CCDC175: variants seen among roughly 807,000 people sequenced by gnomAD.
The protein encoded by CCDC175 is coiled-coil domain-containing protein 175.
In CCDC175, 100 loss-of-function variants were observed where a neutral mutation model predicts 114.6. The observed-to-expected ratio is 0.87, with a 90% CI of 0.74 to 1.03. CCDC175 has a LOEUF of 1.03. Ranked by LOEUF, CCDC175 falls within the 50% of genes least tolerant of loss-of-function variation. The probability of loss-of-function intolerance (pLI) is 0.00; values close to 1 mark genes in which losing one functional copy is unlikely to be tolerated. For missense variants in CCDC175, 880 were observed against 917.8 expected, an observed-to-expected ratio of 0.96 and a Z score of 0.53; for synonymous variants, 306 against 308.7, an observed-to-expected ratio of 0.99 and a Z score of 0.09.
chr14:59,544,657 T>A (rs931061146), intron 9 of CCDC175, among the ~76,000 whole-genome samples: 1 of 152,186 alleles, frequency 6.6e-6, no homozygotes, highest in Non-Finnish European at 1.5e-5. Context: ...AGTACAGGCA[T>A]TGCTTTTTTC....
At chr14:59,540,106 G>A (rs1056559801) in intron 11 of CCDC175, among the ~76,000 whole-genome samples, 1 of 152,004 alleles carries the variant, frequency 6.6e-6, no homozygotes, top group African/African-American at 2.4e-5. Flanking sequence ...TAACAACAAC[G>A]ATAATAAAAT....
chr14:59,532,231 C>G (rs938304240), intron 13 of CCDC175, among the ~76,000 whole-genome samples: 1 of 152,104 alleles, frequency 6.6e-6, no homozygotes, highest in African/African-American at 2.4e-5. Flanking sequence ...AGAAAATTTC[C>G]TTCAGTAATA....
intron 9 of CCDC175, among the ~76,000 whole-genome samples, chr14:59,544,694 C>T (rs1317174714): frequency 1.3e-5 from 2 of 152,052 alleles, no homozygotes; most frequent in African/African-American, 2.4e-5. Flanking sequence ...ATTTAAAGTG[C>T]TTTAGAATGG....
Position 59,556,621 on chromosome 14 carries a change from T to G in CCDC175, c.953+4498A>C, listed in dbSNP as rs529534612. On this transcript the variant is annotated intron_variant, in intron 7 of 19. Transcript: ENST00000537690. ...TCAAAATTGACAAATGGGATCTAAT[T>G]AAACTAAAGAGCTTCTGCACAGCAA... 4.7e-4 allele frequency among the ~76,000 whole-genome samples: 72 copies of G among 152,210 alleles called. No individual in the cohort carries two copies. In the East Asian group the frequency reaches 8.3e-3, roughly 18 times the overall value.
At chr14:59,525,485 C>A in intron 15 of CCDC175, 51 bp from the exon 16 acceptor site, 2 of 1,388,724 alleles carry the variant, frequency 1.4e-6, no homozygotes, top group Non-Finnish European at 9.7e-7. Flanking sequence ...CAGTAGGGCA[C>A]GAGGGTATTA....
intron 7 of CCDC175, among the ~76,000 whole-genome samples, chr14:59,553,019 G>C (rs1409260821): frequency 2.0e-5 from 3 of 152,302 alleles, no homozygotes; most frequent in African/African-American, 4.8e-5. Flanking sequence ...AGGGAGAATG[G>C]AACCAAGTTG....
Position 59,521,573 on chromosome 14 carries a change from C to A in CCDC175, c.2098+1G>T. On this transcript the variant is annotated splice_donor_variant, in intron 17 of 19. Transcript: ENST00000537690. LOFTEE classifies it high-confidence loss of function. ...AATACAAGCACCCACACATTACTTACCCTCCTGAGCTATTAGTTGCCGAGA... is the reference window on the plus strand; with the variant it reads ...AATACAAGCACCCACACATTACTTAACCTCCTGAGCTATTAGTTGCCGAGA... The A allele has an allele frequency of 6.6e-7, 1 of 1,510,060 alleles. No homozygotes were observed. Among genetic ancestry groups the A allele is most frequent in the Non-Finnish European group, 8.9e-7 (1 of 1,122,368 alleles). 93.5% of individuals were successfully genotyped at this position (1,510,060 alleles called of 1,614,324 possible).
rs575297705 is a variant in CCDC175, at chr14:59,535,810, G to A, written c.1623+2213C>T. Among the ~76,000 whole-genome samples, 9 of 152,288 alleles carry A rather than the reference G, an allele frequency of 5.9e-5. No individual in the cohort carries two copies. In the East Asian group the frequency reaches 1.4e-3, roughly 23 times the overall value. ...TCCACTTGGATCTCCCCTTGAAGGC[G>A]GACTCGCCACACCATTGTGAGGAAT... On this transcript the variant is annotated intron_variant, in intron 13 of 19. Coordinates refer to ENST00000537690, the MANE Select transcript of CCDC175 (RefSeq NM_001164399.2).
At chr14:59,547,464 G>T (rs1486806473) in intron 8 of CCDC175, among the ~76,000 whole-genome samples, 2 of 152,150 alleles carry the variant, frequency 1.3e-5, no homozygotes, top group Non-Finnish European at 2.9e-5. Flanking sequence ...TCATTTTAAA[G>T]GTACTAATTA....
At chr14:59,518,502 G>A (rs572954583) in intron 17 of CCDC175, among the ~76,000 whole-genome samples, 63 of 152,308 alleles carry the variant, frequency 4.1e-4, no homozygotes, top group Admixed American at 1.0e-3. Flanking sequence ...CAACAAGTGG[G>A]CGAAGGATAT....
intron 19 of CCDC175, among the ~76,000 whole-genome samples, chr14:59,508,207 CT>C (rs1406025226): frequency 2.0e-5 from 3 of 152,078 alleles, no homozygotes. Context: ...AAGGTGCCCC[CT>C]GACCCCTTCT....
chr14:59,540,589 G>C lies in CCDC175; in HGVS notation c.1355+86C>G, dbSNP rs897067335. 2.2e-5 allele frequency: 29 copies of C among 1,337,488 alleles called. No homozygotes were observed. The African/African-American group carries it at 4.2e-4, about 19-fold the overall frequency. 82.9% of individuals were successfully genotyped at this position (1,337,488 alleles called of 1,614,324 possible). A position where few individuals can be genotyped will look rare whatever the true frequency, so the allele number is the denominator to read the frequency against. On this transcript the variant is annotated intron_variant, in intron 11 of 19. Transcript: ENST00000537690. ...TTCCCTTGGGTTCTAGTAACAACAA[G>C]TACTCTGCACTGTTCATTAAGATAA...
intron 11 of CCDC175, among the ~76,000 whole-genome samples, 160 bp downstream of exon 11, chr14:59,540,515 A>G (rs1894709249): frequency 6.6e-6 from 1 of 152,152 alleles, no homozygotes; most frequent in South Asian, 2.1e-4. Context: ...AATCAAATTA[A>G]CCAATACATC....
chr14:59,506,976 A>G (rs999016758), intron 19 of CCDC175, among the ~76,000 whole-genome samples: 1 of 152,164 alleles, frequency 6.6e-6, no homozygotes, highest in African/African-American at 2.4e-5. Flanking sequence ...GACTTTTGTA[A>G]TTTTAAGACA....
In CCDC175 at chr14:59,538,045, A is replaced by G; in HGVS notation, c.1601T>C (p.Met534Thr). The G allele has an allele frequency of 6.5e-7, 1 of 1,530,318 alleles. No homozygotes were observed. The highest frequency in any genetic ancestry group is 8.8e-7 in the Non-Finnish European group (1 of 1,141,534). 94.8% of individuals were successfully genotyped at this position (1,530,318 alleles called of 1,614,324 possible). A position where few individuals can be genotyped will look rare whatever the true frequency, so the allele number is the denominator to read the frequency against. The change falls in exon 13 of 20, where the codon ATG becomes ACG. Residue 534 changes from methionine to threonine, a missense_variant. Coordinates refer to ENST00000537690, the MANE Select transcript of CCDC175 (RefSeq NM_001164399.2). ...KAFVNKEKML[M>T]KELSKYEEIF... Reference sequence around the variant, plus strand: ...TACCTCATACTTGCTTAACTCTTTCATTAACATTTTTTCTTTGTTAACAAA... The same window carrying G: ...TACCTCATACTTGCTTAACTCTTTCGTTAACATTTTTTCTTTGTTAACAAA...
intron 17 of CCDC175, among the ~76,000 whole-genome samples, chr14:59,516,638 A>G (rs1401377169): frequency 1.3e-5 from 2 of 152,226 alleles, no homozygotes; most frequent in Non-Finnish European, 2.9e-5. Flanking sequence ...GAATCTCTGA[A>G]TAGACCAATA....
At chr14:59,554,126 C>A (rs1895711418) in intron 7 of CCDC175, among the ~76,000 whole-genome samples, 1 of 152,230 alleles carries the variant, frequency 6.6e-6, no homozygotes, top group Non-Finnish European at 1.5e-5. Context: ...TAATAGACAT[C>A]TACAGAACTC....
At chr14:59,555,568 C>T (rs1895839742) in intron 7 of CCDC175, among the ~76,000 whole-genome samples, 1 of 152,156 alleles carries the variant, frequency 6.6e-6, no homozygotes, top group Non-Finnish European at 1.5e-5. Context: ...ACAAGGATGA[C>T]CTCTCTCACC....
chr14:59,517,395 T>C (rs1254683652), intron 17 of CCDC175, among the ~76,000 whole-genome samples: 1 of 152,226 alleles, frequency 6.6e-6, no homozygotes, highest in African/African-American at 2.4e-5. Context: ...TGTTTGCAGA[T>C]GACATTATTG....
Sources: gnomAD v4.1 joint callset for allele counts (sites outside exome capture counted in the v4.1 genomes callset) on GRCh38, gnomAD v4.1.1 for gene constraint, MANE v1.5 for transcripts, NCBI Gene and HGNC (gene_info 2026-07-23, HGNC 2026-07-21) for gene names.